Variants in NALF1 observed in about 807,000 individuals in gnomAD.
NALF1 encodes the protein NALCN channel auxiliary factor 1.
In NALF1, 3 loss-of-function variants were observed where a neutral mutation model predicts 48.4. The observed-to-expected ratio is 0.06, with a 90% confidence interval of 0.03 to 0.16. The LOEUF (loss-of-function observed/expected upper bound fraction) is 0.16. NALF1 is among the 10% of genes least tolerant of loss of function. The pLI, the probability that NALF1 is intolerant of heterozygous loss-of-function variation, is 1.00. For synonymous variants in NALF1, 262 were observed against 245.7 expected, an observed-to-expected ratio of 1.07 and a Z score of -0.62; for missense variants, 526 against 571.5, an observed-to-expected ratio of 0.92 and a Z score of 0.81.
At chr13:107,605,994 T>C (rs543685347) in intron 1 of NALF1, among the ~76,000 whole-genome samples, 67 of 152,268 alleles carry the variant, frequency 4.4e-4, no homozygotes, top group Admixed American at 1.3e-3. Context: ...AATTTTGGGA[T>C]TCAATAGCCA....
intron 1 of NALF1, among the ~76,000 whole-genome samples, chr13:107,794,075 C>CA (rs1338933486): frequency 6.6e-6 from 1 of 152,080 alleles, no homozygotes; most frequent in African/African-American, 2.4e-5. Flanking sequence ...TATGTTCAGT[C>CA]AAAGAGTTAA....
chr13:107,590,586 A>G (rs1878578259), intron 1 of NALF1, among the ~76,000 whole-genome samples: 1 of 152,046 alleles, frequency 6.6e-6, no homozygotes, highest in Non-Finnish European at 1.5e-5. Context: ...TAGAACAGAG[A>G]AGAGTTTGCT....
intron 1 of NALF1, among the ~76,000 whole-genome samples, chr13:107,711,318 G>T (rs1487771218): frequency 3.9e-5 from 6 of 152,118 alleles, no homozygotes; most frequent in African/African-American, 1.4e-4. Flanking sequence ...CAAACTCATG[G>T]TCCTTGTTTG....
chr13:107,437,956 A>G (rs1884489763), intron 1 of NALF1, among the ~76,000 whole-genome samples: 1 of 152,234 alleles, frequency 6.6e-6, no homozygotes, highest in Admixed American at 6.5e-5. Context: ...ATCAAAATTG[A>G]TAGAAGAACA....
intron 1 of NALF1, among the ~76,000 whole-genome samples, chr13:107,361,479 G>C (rs1594137001): frequency 6.6e-6 from 1 of 151,884 alleles, no homozygotes; most frequent in Non-Finnish European, 1.5e-5. Context: ...AGGACTGTAG[G>C]GGAAAAAAAA....
chr13:107,393,720 C>T (rs1883664868), intron 1 of NALF1, among the ~76,000 whole-genome samples: 1 of 151,940 alleles, frequency 6.6e-6, no homozygotes, highest in Non-Finnish European at 1.5e-5. Context: ...TTAAATTAAC[C>T]ACAATAAACA....
chr13:107,363,057 T>C (rs1433542126), intron 1 of NALF1, among the ~76,000 whole-genome samples: 2 of 152,222 alleles, frequency 1.3e-5, no homozygotes, highest in Non-Finnish European at 2.9e-5. Context: ...GAAATTCTAC[T>C]AGAATAATTA....
intron 1 of NALF1, among the ~76,000 whole-genome samples, chr13:107,390,049 C>T (rs952383915): frequency 2.6e-5 from 4 of 152,006 alleles, no homozygotes; most frequent in Non-Finnish European, 5.9e-5. Flanking sequence ...TAATGGTTGG[C>T]CCACTTTAGT....
chr13:107,552,966 G>A (rs370235036), intron 1 of NALF1, among the ~76,000 whole-genome samples: 11 of 152,034 alleles, frequency 7.2e-5, no homozygotes, highest in East Asian at 1.9e-4. Context: ...TGTTATCTAC[G>A]AAATCAGTAG....
At chr13:107,575,412 C>T (rs1305353167) in intron 1 of NALF1, among the ~76,000 whole-genome samples, 1 of 152,172 alleles carries the variant, frequency 6.6e-6, no homozygotes, top group East Asian at 1.9e-4. Flanking sequence ...AGGCTCTTGT[C>T]TCTCCAGGGC....
intron 1 of NALF1, among the ~76,000 whole-genome samples, chr13:107,776,655 G>C (rs770460897): frequency 6.0e-4 from 91 of 152,168 alleles, no homozygotes; most frequent in Non-Finnish European, 1.1e-3. Context: ...ACAAAGTTGA[G>C]TAGGAAACAA....
intron 1 of NALF1, among the ~76,000 whole-genome samples, chr13:107,828,871 T>TG (rs780507507): frequency 2.6e-5 from 4 of 152,122 alleles, no homozygotes; most frequent in Non-Finnish European, 4.4e-5. Flanking sequence ...CAGATCAGCT[T>TG]GGGGGGACAG....
At chr13:107,732,528 C>T (rs1373569289) in intron 1 of NALF1, among the ~76,000 whole-genome samples, 1 of 152,172 alleles carries the variant, frequency 6.6e-6, no homozygotes, top group East Asian at 1.9e-4. Context: ...TCTCTCTATG[C>T]AAGTCCTAGG....
intron 1 of NALF1, among the ~76,000 whole-genome samples, chr13:107,303,491 A>G (rs560919891): frequency 1.2e-4 from 18 of 152,274 alleles, no homozygotes; most frequent in Non-Finnish European, 4.4e-5. Flanking sequence ...TCTTCATTTC[A>G]TGTTTGAGAT....
intron 1 of NALF1, among the ~76,000 whole-genome samples, chr13:107,428,983 C>T (rs1431382359): frequency 6.6e-6 from 1 of 152,018 alleles, no homozygotes; most frequent in Non-Finnish European, 1.5e-5. Context: ...AATAATATAA[C>T]CATATTTTTG....
intron 1 of NALF1, among the ~76,000 whole-genome samples, chr13:107,738,152 G>A (rs1876521414): frequency 6.6e-6 from 1 of 152,080 alleles, no homozygotes; most frequent in Admixed American, 6.6e-5. Context: ...TTATTTCTAA[G>A]AATAACTGTG....
At chr13:107,287,479 T>C (rs1299230076) in intron 1 of NALF1, among the ~76,000 whole-genome samples, 1 of 152,166 alleles carries the variant, frequency 6.6e-6, no homozygotes, top group African/African-American at 2.4e-5. Flanking sequence ...TTAGGGCTTC[T>C]CTAATACTTT....
intron 1 of NALF1, among the ~76,000 whole-genome samples, chr13:107,241,230 T>C (rs1006590906): frequency 6.6e-6 from 1 of 151,966 alleles, no homozygotes; most frequent in African/African-American, 2.4e-5. Context: ...TATATATATA[T>C]GCACACACTT....
chr13:107,629,059 T>TA (rs1037861924), intron 1 of NALF1, among the ~76,000 whole-genome samples: 1 of 152,186 alleles, frequency 6.6e-6, no homozygotes, highest in Non-Finnish European at 1.5e-5. Context: ...CTTGTACTCT[T>TA]ACAACCACAC....
Sources: gnomAD v4.1 joint callset for allele counts (sites outside exome capture counted in the v4.1 genomes callset) on GRCh38, gnomAD v4.1.1 for gene constraint, MANE v1.5 for transcripts, NCBI Gene and HGNC (gene_info 2026-07-23, HGNC 2026-07-21) for gene names.